Variants in ZSWIM6 observed in about 807,000 individuals in gnomAD.
The protein encoded by ZSWIM6 is zinc finger SWIM domain-containing protein 6.
ZSWIM6 carries 9 observed loss-of-function variants against 113.2 expected under a neutral mutation model. That is an observed-to-expected ratio of 0.08 (90% confidence interval 0.05 to 0.14). The LOEUF is 0.14. Among genes scored for constraint, ZSWIM6 ranks in the 10% least tolerant of loss-of-function variants. ZSWIM6 has a pLI of 1.00. For synonymous variants in ZSWIM6, 611 were observed against 606.5 expected, an observed-to-expected ratio of 1.01 and a Z score of -0.11; for missense variants, 1,162 against 1,552.2, an observed-to-expected ratio of 0.75 and a Z score of 4.22.
At chr5:61,334,229 A>G (rs1201077374) in intron 1 of ZSWIM6, among the ~76,000 whole-genome samples, 1 of 151,976 alleles carries the variant, frequency 6.6e-6, no homozygotes, top group African/African-American at 2.4e-5. Flanking sequence ...CTCCCCTAAA[A>G]TGTTCTTTTT....
At chr5:61,348,049 GTC>G (rs1456023168) in intron 1 of ZSWIM6, among the ~76,000 whole-genome samples, 1 of 151,882 alleles carries the variant, frequency 6.6e-6, no homozygotes, top group Non-Finnish European at 1.5e-5. Flanking sequence ...GTGAAACCCT[GTC>G]TCTACTAAAA....
intron 1 of ZSWIM6, among the ~76,000 whole-genome samples, chr5:61,370,287 T>C (rs942181286): frequency 6.6e-6 from 1 of 152,326 alleles, no homozygotes; most frequent in Non-Finnish European, 1.5e-5. Flanking sequence ...ATAGAAGCAA[T>C]GAAACCACAT....
chr5:61,333,869 G>A (rs1438291142), intron 1 of ZSWIM6, among the ~76,000 whole-genome samples: 1 of 152,108 alleles, frequency 6.6e-6, no homozygotes, highest in Non-Finnish European at 1.5e-5. Context: ...GCGAGCCGCG[G>A]TCGGCAGTTG....
chr5:61,478,199 G>C (rs1437471582), intron 2 of ZSWIM6, among the ~76,000 whole-genome samples: 1 of 152,152 alleles, frequency 6.6e-6, no homozygotes, highest in East Asian at 1.9e-4. Context: ...AATATATTCT[G>C]TAGGAGATAG....
chr5:61,541,539 G>T (rs959771479), intron 12 of ZSWIM6, among the ~76,000 whole-genome samples: 6 of 151,566 alleles, frequency 4.0e-5, no homozygotes, highest in African/African-American at 1.5e-4. Context: ...TAAATCTGGG[G>T]AGGGAAAAAG....
At chr5:61,392,203 G>A (rs1474136163) in intron 1 of ZSWIM6, among the ~76,000 whole-genome samples, 1 of 152,132 alleles carries the variant, frequency 6.6e-6, no homozygotes, top group East Asian at 1.9e-4. Flanking sequence ...TGAGTCTATA[G>A]CTTTCTGCTG....
chr5:61,423,245 A>G (rs138227704), intron 1 of ZSWIM6, among the ~76,000 whole-genome samples: 1,634 of 152,238 alleles, frequency 0.011, 20 homozygotes, highest in Non-Finnish European at 0.017. Flanking sequence ...CGTCTCTACT[A>G]AAAATACAAA....
At chr5:61,507,682 T>C (rs1026879761) in intron 4 of ZSWIM6, among the ~76,000 whole-genome samples, 2 of 152,194 alleles carry the variant, frequency 1.3e-5, no homozygotes, top group African/African-American at 2.4e-5. Context: ...GATGGACCTG[T>C]GTAAGTTTTT....
chr5:61,407,030 A>G (rs972749544), intron 1 of ZSWIM6, among the ~76,000 whole-genome samples: 3 of 152,234 alleles, frequency 2.0e-5, no homozygotes, highest in African/African-American at 7.2e-5. Flanking sequence ...AATCTTAAAA[A>G]GGATTTAGTT....
At chr5:61,477,670 A>C (rs369280567) in intron 2 of ZSWIM6, among the ~76,000 whole-genome samples, 1 of 152,154 alleles carries the variant, frequency 6.6e-6, no homozygotes, top group East Asian at 1.9e-4. Context: ...GTCTATTCAG[A>C]CTATCTCAGA....
intron 1 of ZSWIM6, among the ~76,000 whole-genome samples, chr5:61,439,899 G>C (rs1050292547): frequency 6.6e-6 from 1 of 152,138 alleles, no homozygotes; most frequent in Non-Finnish European, 1.5e-5. Context: ...TTTCTCATGA[G>C]AATAAGGTAG....
At position 61,531,086 on chromosome 5, in the gene ZSWIM6, G is replaced by A. The variant is rs149619669; in HGVS notation, c.1985-379G>A. 3.0e-3 allele frequency among the ~76,000 whole-genome samples: 454 copies of A among 152,292 alleles called. 4 individuals carry two copies. Among genetic ancestry groups the A allele is most frequent in the African/African-American group, 0.01 (425 of 41,564 alleles). ...TCCCTACTGTTTTTATTATGGAAAC[G>A]TTTTGAATGCCAGGATTTAAAAAGT... On this transcript the variant is annotated intron_variant, in intron 8 of 13. Coordinates refer to ENST00000252744, the MANE Select transcript of ZSWIM6 (RefSeq NM_020928.2).
chr5:61,524,609 G>C lies in ZSWIM6; in HGVS notation c.1514-1191G>C, dbSNP rs113123160. On this transcript the variant is annotated intron_variant, in intron 5 of 13. Coordinates refer to ENST00000252744, the MANE Select transcript of ZSWIM6 (RefSeq NM_020928.2). The stretch of plus-strand genomic sequence containing the variant: ...TTTCAGTTCCATCAGCAGAGTAAAG[G>C]GGTTGGCGTAGATGAGTTCTCCAGT... 2.6e-4 allele frequency among the ~76,000 whole-genome samples: 40 copies of C among 152,136 alleles called. 1 individual carries two copies. The highest frequency in any genetic ancestry group is 9.6e-4 in the African/African-American group (40 of 41,492).
chr5:61,461,057 C>G (rs1747314069), intron 1 of ZSWIM6, among the ~76,000 whole-genome samples: 1 of 152,064 alleles, frequency 6.6e-6, no homozygotes, highest in African/African-American at 2.4e-5. Flanking sequence ...AAAAATTAAA[C>G]ACTTACTTGC....
chr5:61,386,515 T>A (rs1745595817), intron 1 of ZSWIM6, among the ~76,000 whole-genome samples: 1 of 152,216 alleles, frequency 6.6e-6, no homozygotes, highest in Admixed American at 6.5e-5. Context: ...TACCCTCTTT[T>A]TCAGTCAATG....
At chr5:61,536,387 A>G (rs1459158537) in intron 10 of ZSWIM6, among the ~76,000 whole-genome samples, 2 of 152,244 alleles carry the variant, frequency 1.3e-5, no homozygotes, top group East Asian at 3.8e-4. Context: ...TTAAGGACCT[A>G]AAAGGTACAT....
At position 61,334,810 on chromosome 5, in the gene ZSWIM6, G is replaced by T. The variant is rs1744356638; in HGVS notation, c.676+1862G>T. 2.0e-5 allele frequency among the ~76,000 whole-genome samples: 3 copies of T among 151,514 alleles called. No individual in the cohort carries two copies. The South Asian group carries it at 6.2e-4, about 31-fold the overall frequency. ...GTTTGTCTGTTTCCTGCCGGTTAGCGATGGATGGAAGCACATCTATGGCTT... is the reference window on the plus strand; with the variant it reads ...GTTTGTCTGTTTCCTGCCGGTTAGCTATGGATGGAAGCACATCTATGGCTT... On this transcript the variant is annotated intron_variant, in intron 1 of 13. Coordinates refer to ENST00000252744, the MANE Select transcript of ZSWIM6 (RefSeq NM_020928.2).
intron 2 of ZSWIM6, among the ~76,000 whole-genome samples, chr5:61,488,497 T>A (rs543874374): frequency 6.6e-6 from 1 of 152,164 alleles, no homozygotes; most frequent in South Asian, 2.1e-4. Flanking sequence ...TGGGCTTTTC[T>A]TTGCTGGGAG....
At chr5:61,357,037 C>G (rs1264053829) in intron 1 of ZSWIM6, among the ~76,000 whole-genome samples, 3 of 151,524 alleles carry the variant, frequency 2.0e-5, no homozygotes, top group Non-Finnish European at 4.4e-5. Flanking sequence ...TCATCATCAC[C>G]TCTTAATTTG....
Sources: allele counts gnomAD v4.1 joint callset (sites outside exome capture counted in the v4.1 genomes callset), GRCh38; gene constraint gnomAD v4.1.1; transcripts MANE v1.5; gene names NCBI Gene and HGNC (gene_info 2026-07-23, HGNC 2026-07-21).